Variants in SND1 observed in about 807,000 individuals in gnomAD.
SND1 encodes staphylococcal nuclease domain-containing protein 1.
A neutral mutation model predicts 121.7 loss-of-function variants in SND1; 38 were observed. The ratio of observed to expected loss-of-function variants is 0.31; its 90% confidence interval spans 0.24 to 0.41. The LOEUF is 0.41. SND1 is among the 10% of genes least tolerant of loss of function. The pLI is 1.00. For synonymous variants in SND1, 401 were observed against 447.4 expected (o/e 0.90, Z 1.31); for missense variants, 868 against 1,184.6 (o/e 0.73, Z 3.92).
intron 13 of SND1, among the ~76,000 whole-genome samples, chr7:127,904,056 C>T (rs748964298): frequency 2.0e-5 from 3 of 152,152 alleles, no homozygotes; most frequent in Non-Finnish European, 4.4e-5. Flanking sequence ...TACCAGTGAT[C>T]GTACCTAGTG....
At chr7:128,057,734 T>C (rs1793165929) in intron 16 of SND1, among the ~76,000 whole-genome samples, 2 of 151,944 alleles carry the variant, frequency 1.3e-5, no homozygotes, top group Admixed American at 6.5e-5. Flanking sequence ...CAGCTGACCA[T>C]ACTGATGCAT....
At chr7:127,661,977 A>G (rs1002150466) in intron 1 of SND1, among the ~76,000 whole-genome samples, 1 of 142,008 alleles carries the variant, frequency 7.0e-6, no homozygotes, top group Non-Finnish European at 1.5e-5. Context: ...TTAGCCGGGC[A>G]TGGTGGTGCG....
chr7:127,922,236 AG>A (rs983570988), intron 14 of SND1, among the ~76,000 whole-genome samples: 6 of 115,210 alleles, frequency 5.2e-5, no homozygotes, highest in Non-Finnish European at 9.8e-5. Context: ...TGTGATGGCC[AG>A]GCTGGTCTCT....
At chr7:127,742,872 G>A (rs1210699072) in intron 10 of SND1, among the ~76,000 whole-genome samples, 1 of 152,034 alleles carries the variant, frequency 6.6e-6, no homozygotes. Flanking sequence ...CAAGTGGTGT[G>A]GGCATTCAAA....
intron 11 of SND1, among the ~76,000 whole-genome samples, chr7:127,839,243 A>G (rs1207657879): frequency 1.3e-5 from 2 of 152,140 alleles, no homozygotes; most frequent in African/African-American, 4.8e-5. Context: ...AAATTCTGTC[A>G]TGAGAGGGGT....
rs755070446 is a variant in SND1, at chr7:128,089,496, C to A, written c.2426C>A (p.Ala809Asp). Residue 809 changes from alanine (A) to aspartate (D), a missense_variant, in exon 22 of 24, where the codon GCC (alanine) becomes GAC (aspartate). Physicochemically the swap from Ala to Asp is moderately radical, Grantham distance 126 (BLOSUM62 -2). Around this residue, in one of 2 missense-constraint regions of SND1, gnomAD observed 743 missense variants for 1,071.3 expected, o/e 0.69. Transcript: ENST00000354725. The part of the protein sequence containing the change: ...AFIQVPQDDD[A>D]RTDAVDSVVR... The stretch of plus-strand genomic sequence containing the variant: ...AGTGTGTCTCTGCTCCAGGATGATG[C>A]CCGCACGGACGCCGTGGACAGCGTA... 3 of 1,611,748 alleles carry A rather than the reference C, an allele frequency of 1.9e-6. No individual in the cohort carries two copies.
At chr7:128,066,318 G>C (rs1793313664) in intron 16 of SND1, among the ~76,000 whole-genome samples, 1 of 152,224 alleles carries the variant, frequency 6.6e-6, no homozygotes, top group Non-Finnish European at 1.5e-5. Flanking sequence ...CCCTCTTGCT[G>C]GTGTGCCAGC....
intron 16 of SND1, among the ~76,000 whole-genome samples, chr7:128,051,947 A>G (rs372865547): frequency 3.0e-4 from 45 of 152,348 alleles, no homozygotes; most frequent in African/African-American, 9.6e-4. Flanking sequence ...TGTGTTTCCA[A>G]TTGCTCCAGA....
chr7:127,727,612 G>T (rs996790809), intron 10 of SND1, among the ~76,000 whole-genome samples: 2 of 152,016 alleles, frequency 1.3e-5, no homozygotes, highest in Non-Finnish European at 2.9e-5. Context: ...AATTAGAGAG[G>T]GACTCCAGCT....
chr7:127,869,969 T>G (rs78071890), intron 12 of SND1, among the ~76,000 whole-genome samples: 2,669 of 152,276 alleles, frequency 0.018, 34 homozygotes, highest in Middle Eastern at 0.027. Flanking sequence ...AAGTCACTCC[T>G]TATATAGTTT....
At chr7:127,886,953 G>T (rs1041944523) in intron 12 of SND1, among the ~76,000 whole-genome samples, 13 of 151,690 alleles carry the variant, frequency 8.6e-5, no homozygotes, top group African/African-American at 3.1e-4. Flanking sequence ...TCCAAAACTG[G>T]TCATCTCAGA....
chr7:127,969,508 G>A (rs534800005), intron 15 of SND1, among the ~76,000 whole-genome samples: 3 of 152,270 alleles, frequency 2.0e-5, no homozygotes, highest in Non-Finnish European at 2.9e-5. Flanking sequence ...GGCAGATCAC[G>A]AGGTCAGGAG....
At chr7:127,669,831 G>A (rs1795483305) in intron 1 of SND1, among the ~76,000 whole-genome samples, 1 of 152,162 alleles carries the variant, frequency 6.6e-6, no homozygotes, top group South Asian at 2.1e-4. Flanking sequence ...GGGGACAGGA[G>A]GAGGAAGTGT....
intron 15 of SND1, among the ~76,000 whole-genome samples, chr7:127,984,432 G>A (rs1203284321): frequency 6.6e-6 from 1 of 152,152 alleles, no homozygotes; most frequent in Non-Finnish European, 1.5e-5. Flanking sequence ...GATTCTGTTG[G>A]CCCCTTTCCT....
chr7:127,778,880 C>G (rs1482103163), intron 10 of SND1, among the ~76,000 whole-genome samples: 1 of 152,178 alleles, frequency 6.6e-6, no homozygotes, highest in African/African-American at 2.4e-5. Context: ...ATCCACCTCA[C>G]CTAGCTGGGA....
chr7:127,780,786 C>G (rs1797705966), intron 10 of SND1, among the ~76,000 whole-genome samples: 1 of 152,166 alleles, frequency 6.6e-6, no homozygotes, highest in Non-Finnish European at 1.5e-5. Context: ...CCCTTTTTAT[C>G]CTATTTGGTC....
intron 12 of SND1, among the ~76,000 whole-genome samples, chr7:127,864,508 T>TA (rs1299294914): frequency 6.6e-6 from 1 of 152,104 alleles, no homozygotes; most frequent in African/African-American, 2.4e-5. Flanking sequence ...CAATGCTACC[T>TA]AAGTCTTGCT....
chr7:127,807,182 T>C (rs1798252509), intron 10 of SND1, among the ~76,000 whole-genome samples: 1 of 152,192 alleles, frequency 6.6e-6, no homozygotes, highest in Non-Finnish European at 1.5e-5. Flanking sequence ...AATACTTAAT[T>C]GAGCTTCTTC....
chr7:127,962,159 T>C (rs1379056935), intron 15 of SND1, among the ~76,000 whole-genome samples: 1 of 152,130 alleles, frequency 6.6e-6, no homozygotes, highest in African/African-American at 2.4e-5. Flanking sequence ...TAAGGGAGTA[T>C]GATGTGTTCT....
Sources: gnomAD v4.1 joint callset for allele counts (sites outside exome capture counted in the v4.1 genomes callset) on GRCh38, gnomAD v4.1.1 for gene constraint, gnomAD v4.1.1 regional missense constraint, MANE v1.5 for transcripts, NCBI Gene and HGNC (gene_info 2026-07-23, HGNC 2026-07-21) for gene names.